Variants in KCNQ5 observed in about 807,000 individuals in gnomAD.
The protein encoded by KCNQ5 is potassium voltage-gated channel subfamily Q member 5.
Under a neutral mutation model 98.2 loss-of-function variants are expected in KCNQ5, and 30 were observed. The observed-to-expected ratio is 0.31, with a 90% CI of 0.23 to 0.41. KCNQ5 has a LOEUF of 0.41. Ranked by LOEUF, KCNQ5 falls within the 10% of genes least tolerant of loss-of-function variation. KCNQ5 has a pLI of 1.00. For missense variants in KCNQ5, 835 were observed against 1,182.5 expected (o/e 0.71, Z 4.31); for synonymous variants, 458 against 449.4 (o/e 1.02, Z -0.24).
intron 1 of KCNQ5, among the ~76,000 whole-genome samples, chr6:72,861,903 C>G (rs548698538): frequency 6.6e-6 from 1 of 152,112 alleles, no homozygotes; most frequent in South Asian, 2.1e-4. Context: ...TAAGTCATCT[C>G]TCCTGAGGTC....
intron 3 of KCNQ5, among the ~76,000 whole-genome samples, chr6:73,053,540 C>A (rs780243460): frequency 6.6e-6 from 1 of 152,060 alleles, no homozygotes; most frequent in East Asian, 1.9e-4. Flanking sequence ...CAACCACACT[C>A]TCAGACTACA....
intron 2 of KCNQ5, among the ~76,000 whole-genome samples, chr6:73,022,720 T>C (rs1039007664): frequency 1.1e-4 from 17 of 152,142 alleles, no homozygotes; most frequent in African/African-American, 3.6e-4. Flanking sequence ...CCTAAGTAAG[T>C]AGAATGAAAG....
chr6:72,708,281 A>T (rs1187756753), intron 1 of KCNQ5, among the ~76,000 whole-genome samples: 1 of 152,184 alleles, frequency 6.6e-6, no homozygotes, highest in African/African-American at 2.4e-5. Context: ...ACATTAAGAC[A>T]TATTTTACAT....
intron 1 of KCNQ5, among the ~76,000 whole-genome samples, chr6:72,739,396 G>T (rs996660450): frequency 2.0e-5 from 3 of 152,150 alleles, no homozygotes; most frequent in African/African-American, 7.2e-5. Flanking sequence ...TGCTATGGGG[G>T]CCAACACAGA....
intron 1 of KCNQ5, among the ~76,000 whole-genome samples, chr6:72,886,626 A>G (rs1311901371): frequency 6.6e-6 from 1 of 152,214 alleles, no homozygotes; most frequent in Non-Finnish European, 1.5e-5. Context: ...AAATCCATAC[A>G]CACTATAGAC....
rs540489384 is a variant in KCNQ5 at position 72,714,749 on chromosome 6, T to A, written c.398+92162T>A. Among the ~76,000 whole-genome samples, 20 of 152,338 alleles carry A rather than the reference T, an allele frequency of 1.3e-4. No individual in the cohort carries two copies. The East Asian group carries it at 3.3e-3, about 25-fold the overall frequency. ...TGGCTAATTTCTGTCAGTTTCTAAATGATAACTGCTAATGTCAAGGCAGTT... is the reference window on the plus strand; with the variant it reads ...TGGCTAATTTCTGTCAGTTTCTAAAAGATAACTGCTAATGTCAAGGCAGTT... On this transcript the variant is annotated intron_variant, in intron 1 of 13. Coordinates refer to ENST00000370398, the MANE Select transcript of KCNQ5 (RefSeq NM_019842.4).
chr6:72,632,833 T>C (rs2098921796), intron 1 of KCNQ5, among the ~76,000 whole-genome samples: 1 of 144,570 alleles, frequency 6.9e-6, no homozygotes. Context: ...AAACCACCAT[T>C]GATGGGCACC....
chr6:72,973,309 A>C (rs57782181), intron 1 of KCNQ5, among the ~76,000 whole-genome samples: 151,949 of 152,218 alleles, frequency 1, 75,840 homozygotes, highest in Middle Eastern at 1. Context: ...TACTGTGAAC[A>C]TAAACTTCTC....
At chr6:72,940,810 A>G (rs924021619) in intron 1 of KCNQ5, among the ~76,000 whole-genome samples, 1 of 152,276 alleles carries the variant, frequency 6.6e-6, no homozygotes, top group East Asian at 1.9e-4. Flanking sequence ...CCCTGTTGGT[A>G]AAGGGGGAAT....
chr6:72,800,331 A>G (rs1774576407), intron 1 of KCNQ5, among the ~76,000 whole-genome samples: 1 of 152,118 alleles, frequency 6.6e-6, no homozygotes, highest in East Asian at 1.9e-4. Context: ...CAGAGATTCA[A>G]TTTCTTCCTG....
rs1015525552 is a variant in KCNQ5 at position 73,033,568 on chromosome 6, T to A, written c.490-8368T>A. ...CTCAAACAAATTCATCTATCATATC[T>A]ACCTAAGCCTTCCAATCAATGAGAC... On this transcript the variant is annotated intron_variant, in intron 2 of 13. Transcript: ENST00000370398. 3.3e-5 allele frequency among the ~76,000 whole-genome samples: 5 copies of A among 152,264 alleles called. No homozygotes were observed. In the East Asian group the frequency reaches 9.6e-4, roughly 29 times the overall value.
At chr6:72,853,491 G>A (rs1349920434) in intron 1 of KCNQ5, among the ~76,000 whole-genome samples, 3 of 151,950 alleles carry the variant, frequency 2.0e-5, no homozygotes, top group African/African-American at 7.3e-5. Context: ...CTACAGGCAC[G>A]TGCCACTACG....
At chr6:72,817,138 G>A (rs1445378187) in intron 1 of KCNQ5, among the ~76,000 whole-genome samples, 1 of 152,154 alleles carries the variant, frequency 6.6e-6, no homozygotes, top group Non-Finnish European at 1.5e-5. Context: ...ATATGGAAGA[G>A]TTCATCTGGA....
chr6:72,969,648 A>ATTACTTATAT (rs1767778582), intron 1 of KCNQ5, among the ~76,000 whole-genome samples: 1 of 152,160 alleles, frequency 6.6e-6, no homozygotes, highest in Admixed American at 6.6e-5. Flanking sequence ...TACTTATAGC[A>ATTACTTATAT]GTCCCTATAT....
rs1264202075 is a variant in KCNQ5 at position 72,803,992 on chromosome 6, A to G, written c.398+181405A>G. On this transcript the variant is annotated intron_variant, in intron 1 of 13. Transcript: ENST00000370398. ...AGCTTGAATATATAAATATAGATTG[A>G]TATAAACTTGTGCATTTATATAAAC... 2.6e-5 allele frequency among the ~76,000 whole-genome samples: 4 copies of G among 152,274 alleles called. No homozygotes were observed. In the East Asian group the frequency reaches 7.7e-4, roughly 29 times the overall value.
At position 72,810,424 on chromosome 6, in the gene KCNQ5, G is replaced by T. The variant is rs969900935; in HGVS notation, c.398+187837G>T. Among the ~76,000 whole-genome samples the T allele has an allele frequency of 2.0e-5, 3 of 152,198 alleles. 1 individual carries two copies. In the South Asian group the frequency reaches 6.2e-4, roughly 31 times the overall value. On this transcript the variant is annotated intron_variant, in intron 1 of 13. Transcript: ENST00000370398. ...TTGCATAGAATTCATGTGGTATGTTGCTGGGACTAGCTTTCCTGTGAGGAT... is the reference window on the plus strand; with the variant it reads ...TTGCATAGAATTCATGTGGTATGTTTCTGGGACTAGCTTTCCTGTGAGGAT...
chr6:72,975,745 C>T (rs1768132021), intron 1 of KCNQ5, among the ~76,000 whole-genome samples: 1 of 152,160 alleles, frequency 6.6e-6, no homozygotes, highest in South Asian at 2.1e-4. Context: ...TTTCTGTAAG[C>T]CAAATCAAGT....
intron 1 of KCNQ5, among the ~76,000 whole-genome samples, chr6:72,646,249 A>G (rs1765588534): frequency 6.6e-6 from 1 of 152,094 alleles, no homozygotes; most frequent in Non-Finnish European, 1.5e-5. Flanking sequence ...ATACATATAC[A>G]CATATATATA....
chr6:72,908,825 A>G (rs1450557213), intron 1 of KCNQ5, among the ~76,000 whole-genome samples: 1 of 152,148 alleles, frequency 6.6e-6, no homozygotes, highest in Non-Finnish European at 1.5e-5. Context: ...CTGGAAGAGA[A>G]TCAAATGAAT....
Sources: gnomAD v4.1 joint callset for allele counts (sites outside exome capture counted in the v4.1 genomes callset) on GRCh38, gnomAD v4.1.1 for gene constraint, MANE v1.5 for transcripts, NCBI Gene and HGNC (gene_info 2026-07-23, HGNC 2026-07-21) for gene names.